Variants in OSBPL10 observed in about 807,000 individuals in gnomAD.
OSBPL10 encodes the protein oxysterol binding protein like 10.
In OSBPL10, 49 loss-of-function variants were observed where a neutral mutation model predicts 81.7. That is an observed-to-expected ratio of 0.60 (90% confidence interval 0.48 to 0.76). The LOEUF is 0.76. Among genes scored for constraint, OSBPL10 ranks in the 30% least tolerant of loss-of-function variants. The pLI is 0.00. For synonymous variants in OSBPL10, 419 were observed against 383.6 expected, an observed-to-expected ratio of 1.09 and a Z score of -1.08; for missense variants, 923 against 987.8, an observed-to-expected ratio of 0.93 and a Z score of 0.88.
rs149970243 is a variant in OSBPL10, at chr3:31,774,971, A to G, written c.730-26851T>C. On this transcript the variant is annotated intron_variant, in intron 4 of 11. Coordinates refer to ENST00000396556, the MANE Select transcript of OSBPL10 (RefSeq NM_017784.5). ...CACCTGAGGTCAGGAGTTCGAGACC[A>G]GCCTGGCCAACATGGTGAAACCCTG... Among the ~76,000 whole-genome samples, 3 of 151,438 alleles carry G rather than the reference A, an allele frequency of 2.0e-5. No homozygotes were observed. In the East Asian group the frequency reaches 6.0e-4, roughly 30 times the overall value.
intron 4 of OSBPL10, among the ~76,000 whole-genome samples, chr3:31,806,174 A>G (rs894277965): frequency 6.6e-6 from 1 of 152,116 alleles, no homozygotes; most frequent in African/African-American, 2.4e-5. Flanking sequence ...AGAATGATGG[A>G]TGCAGGGAAG....
intron 3 of OSBPL10, among the ~76,000 whole-genome samples, chr3:31,866,928 C>T (rs1336363478): frequency 6.6e-6 from 1 of 152,062 alleles, no homozygotes; most frequent in African/African-American, 2.4e-5. Flanking sequence ...TTTTGCTGTT[C>T]ATTCAAGACC....
At chr3:31,669,514 C>T (rs1700274768) in intron 9 of OSBPL10, among the ~76,000 whole-genome samples, 1 of 152,126 alleles carries the variant, frequency 6.6e-6, no homozygotes, top group South Asian at 2.1e-4. Context: ...TCCACACATC[C>T]CCTGAATGAA....
chr3:31,741,538 C>G (rs1297628280), intron 5 of OSBPL10, among the ~76,000 whole-genome samples: 1 of 152,236 alleles, frequency 6.6e-6, no homozygotes, highest in Non-Finnish European at 1.5e-5. Context: ...GCTGGGATTA[C>G]AGGCGTGAGC....
chr3:31,908,639 A>G (rs1044233920), intron 1 of OSBPL10, among the ~76,000 whole-genome samples: 4 of 152,180 alleles, frequency 2.6e-5, no homozygotes, highest in Admixed American at 2.6e-4. Context: ...TGGACAGGAA[A>G]AAACATCATT....
chr3:31,852,153 G>A (rs1700783662), intron 3 of OSBPL10, among the ~76,000 whole-genome samples: 1 of 152,180 alleles, frequency 6.6e-6, no homozygotes, highest in African/African-American at 2.4e-5. Flanking sequence ...CTGGGCCTCA[G>A]TTTCCTCATC....
intron 1 of OSBPL10, among the ~76,000 whole-genome samples, chr3:31,946,175 T>C (rs1057148852): frequency 5.9e-5 from 9 of 151,950 alleles, no homozygotes; most frequent in African/African-American, 2.2e-4. Flanking sequence ...GAGACAGGGT[T>C]TCACCACGTT....
intron 2 of OSBPL10, among the ~76,000 whole-genome samples, chr3:31,994,786 G>T (rs17028706): frequency 0.028 from 4,188 of 152,254 alleles, 100 homozygotes; most frequent in African/African-American, 0.07. Flanking sequence ...CTCCTGAAAG[G>T]CCATAAAACA....
intron 3 of OSBPL10, among the ~76,000 whole-genome samples, chr3:31,852,665 A>G (rs1225943272): frequency 1.3e-5 from 2 of 151,968 alleles, no homozygotes; most frequent in African/African-American, 4.8e-5. Flanking sequence ...TACAACCTCC[A>G]ACTCCCAGGC....
At chr3:31,994,275 G>A (rs966955847) in intron 2 of OSBPL10, among the ~76,000 whole-genome samples, 4 of 152,334 alleles carry the variant, frequency 2.6e-5, no homozygotes, top group East Asian at 3.8e-4. Flanking sequence ...GTATTTGAAC[G>A]TGGGTGGAGT....
chr3:31,960,566 G>A (rs1031546498), intron 1 of OSBPL10, among the ~76,000 whole-genome samples: 1 of 152,138 alleles, frequency 6.6e-6, no homozygotes, highest in Non-Finnish European at 1.5e-5. Flanking sequence ...ACACCAGAAG[G>A]TTGCAAGCTA....
intron 1 of OSBPL10, among the ~76,000 whole-genome samples, chr3:31,946,183 G>A (rs1030035329): frequency 7.2e-5 from 11 of 151,844 alleles, no homozygotes; most frequent in East Asian, 1.9e-4. Context: ...GTTTCACCAC[G>A]TTGGCCAGCT....
chr3:31,748,678 CCTT>C (rs1273444824), intron 4 of OSBPL10, among the ~76,000 whole-genome samples: 5 of 148,488 alleles, frequency 3.4e-5, no homozygotes, highest in Admixed American at 6.7e-5. Flanking sequence ...CAGGACATGA[CCTT>C]CTTAACACCA....
intron 2 of OSBPL10, chr3:31,989,250 C>T: frequency 6.2e-7 from 1 of 1,614,178 alleles, no homozygotes; most frequent in Non-Finnish European, 8.5e-7. Flanking sequence ...TGGAGAACTA[C>T]AGGAACCTGC....
intron 7 of OSBPL10, among the ~76,000 whole-genome samples, chr3:31,690,041 C>T (rs1695481748): frequency 6.6e-6 from 1 of 151,888 alleles, no homozygotes; most frequent in Admixed American, 6.6e-5. Context: ...ATGCAAAGTA[C>T]AAAATGTTAG....
At chr3:31,950,580 C>T (rs780674795) in intron 1 of OSBPL10, among the ~76,000 whole-genome samples, 2 of 152,194 alleles carry the variant, frequency 1.3e-5, no homozygotes, top group Admixed American at 1.3e-4. Flanking sequence ...TCCAAATACC[C>T]TGAAGCCCAG....
At chr3:31,793,244 GC>G (rs1334489708) in intron 4 of OSBPL10, among the ~76,000 whole-genome samples, 2 of 152,088 alleles carry the variant, frequency 1.3e-5, no homozygotes, top group African/African-American at 2.4e-5. Context: ...GGGAAAGCGC[GC>G]CTGTCATTTT....
At chr3:31,994,337 C>T (rs1193960627) in intron 2 of OSBPL10, among the ~76,000 whole-genome samples, 1 of 152,048 alleles carries the variant, frequency 6.6e-6, no homozygotes, top group African/African-American at 2.4e-5. Flanking sequence ...GAGCTCCAGG[C>T]CTCATAGAAA....
intron 4 of OSBPL10, among the ~76,000 whole-genome samples, chr3:31,786,744 T>A (rs1372869985): frequency 1.3e-5 from 2 of 152,178 alleles, no homozygotes; most frequent in Non-Finnish European, 2.9e-5. Flanking sequence ...TATTGTATGA[T>A]TTAAGCACTT....
Sources: gnomAD v4.1 joint callset for allele counts (sites outside exome capture counted in the v4.1 genomes callset) on GRCh38, gnomAD v4.1.1 for gene constraint, MANE v1.5 for transcripts, NCBI Gene and HGNC (gene_info 2026-07-23, HGNC 2026-07-21) for gene names.